Variants in LOC128092253 observed in about 807,000 individuals in gnomAD.
the LOC128092253 span, among the ~76,000 whole-genome samples, chr6:133,977,157 C>T: frequency 4.6e-5 from 7 of 151,912 alleles, no homozygotes; most frequent in Non-Finnish European, 1.0e-4. Context: ...TTTCATGCTT[C>T]GAAAAATGTG....
chr6:133,975,408 A>G, the LOC128092253 span, among the ~76,000 whole-genome samples: 5 of 152,208 alleles, frequency 3.3e-5, no homozygotes, highest in East Asian at 3.8e-4. Context: ...AAAAGTTTAA[A>G]TTCAATCTAA....
the LOC128092253 span, among the ~76,000 whole-genome samples, chr6:133,956,826 A>C: frequency 2.0e-5 from 3 of 152,226 alleles, no homozygotes; most frequent in Non-Finnish European, 1.5e-5. Context: ...GACTGCCTTC[A>C]CTTGAGTAGA....
the LOC128092253 span, among the ~76,000 whole-genome samples, chr6:133,963,015 G>A: frequency 6.6e-6 from 1 of 152,196 alleles, no homozygotes; most frequent in African/African-American, 2.4e-5. Context: ...AGTGCTTTAT[G>A]CTCTAGAGTA....
the LOC128092253 span, among the ~76,000 whole-genome samples, chr6:133,957,687 G>C: frequency 6.6e-6 from 1 of 152,178 alleles, no homozygotes; most frequent in Non-Finnish European, 1.5e-5. Context: ...CAGCATCATG[G>C]CTGTGCTTTT....
chr6:133,954,897 A>G, the LOC128092253 span, among the ~76,000 whole-genome samples: 1 of 152,174 alleles, frequency 6.6e-6, no homozygotes, highest in African/African-American at 2.4e-5. Flanking sequence ...TAGCCAGAAT[A>G]TAGCTTCAAC....
the LOC128092253 span, among the ~76,000 whole-genome samples, chr6:133,963,282 C>T: frequency 6.6e-6 from 1 of 152,090 alleles, no homozygotes; most frequent in Non-Finnish European, 1.5e-5. Context: ...GGTGTTTCAA[C>T]CCAGTCGTTC....
the LOC128092253 span, among the ~76,000 whole-genome samples, chr6:133,972,525 G>A: frequency 6.6e-6 from 1 of 152,164 alleles, no homozygotes; most frequent in South Asian, 2.1e-4. Flanking sequence ...TAGGCTTGTG[G>A]TTCATTTGGT....
chr6:133,970,027 C>T, the LOC128092253 span, among the ~76,000 whole-genome samples: 3 of 152,182 alleles, frequency 2.0e-5, no homozygotes, highest in African/African-American at 7.2e-5. Flanking sequence ...TTGTGCCACT[C>T]CTAACTGTTG....
At chr6:133,977,489 G>A in the LOC128092253 span, among the ~76,000 whole-genome samples, 1 of 152,072 alleles carries the variant, frequency 6.6e-6, no homozygotes, top group Admixed American at 6.5e-5. Flanking sequence ...AGAACTCAAA[G>A]TAGTAAATTC....
At chr6:133,963,409 C>T in the LOC128092253 span, among the ~76,000 whole-genome samples, 1 of 152,006 alleles carries the variant, frequency 6.6e-6, no homozygotes, top group East Asian at 1.9e-4. Flanking sequence ...TATCTTGTTT[C>T]TGTTGTTTTG....
chr6:133,962,177 T>G, the LOC128092253 span, among the ~76,000 whole-genome samples: 1 of 152,088 alleles, frequency 6.6e-6, no homozygotes, highest in Non-Finnish European at 1.5e-5. Context: ...ATAAGGAAGA[T>G]CGGGGGTGGG....
the LOC128092253 span, among the ~76,000 whole-genome samples, chr6:133,966,795 T>A: frequency 7.2e-6 from 1 of 138,752 alleles, no homozygotes; most frequent in Non-Finnish European, 1.6e-5. Context: ...GCCTGTCTTG[T>A]GTCTACTACT....
At chr6:133,959,529 T>C in the LOC128092253 span, among the ~76,000 whole-genome samples, 1 of 152,196 alleles carries the variant, frequency 6.6e-6, no homozygotes, top group Non-Finnish European at 1.5e-5. Context: ...TCGCCCAGGC[T>C]GGAGTGCAGT....
At chr6:133,958,761 A>C in the LOC128092253 span, among the ~76,000 whole-genome samples, 1 of 152,064 alleles carries the variant, frequency 6.6e-6, no homozygotes, top group African/African-American at 2.4e-5. Context: ...AATATATACT[A>C]TAGAGGTTTA....
At chr6:133,967,547 C>A in the LOC128092253 span, among the ~76,000 whole-genome samples, 1 of 152,008 alleles carries the variant, frequency 6.6e-6, no homozygotes, top group Admixed American at 6.6e-5. Context: ...TTATATAAAC[C>A]CAGACGGTAG....
At chr6:133,969,771 C>G in the LOC128092253 span, among the ~76,000 whole-genome samples, 9 of 152,202 alleles carry the variant, frequency 5.9e-5, no homozygotes, top group Admixed American at 5.9e-4. Context: ...ATCTAACTCT[C>G]TCCCATTACT....
the LOC128092253 span, among the ~76,000 whole-genome samples, chr6:133,977,373 A>G: frequency 2.9e-4 from 44 of 152,252 alleles, no homozygotes; most frequent in African/African-American, 9.9e-4. Context: ...AAAATCACCA[A>G]TTTTGAATTT....
the LOC128092253 span, among the ~76,000 whole-genome samples, chr6:133,976,643 T>C: frequency 6.6e-6 from 1 of 152,190 alleles, no homozygotes; most frequent in Non-Finnish European, 1.5e-5. Flanking sequence ...ATTATGTCAC[T>C]ACACTTAAAA....
At chr6:133,956,053 A>C in the LOC128092253 span, among the ~76,000 whole-genome samples, 2 of 152,218 alleles carry the variant, frequency 1.3e-5, no homozygotes, top group African/African-American at 4.8e-5. Context: ...AATACTGTAT[A>C]ATCTAGTTGA....
Sources: gnomAD v4.1 joint callset for allele counts (sites outside exome capture counted in the v4.1 genomes callset) on GRCh38, gnomAD v4.1.1 for gene constraint, MANE v1.5 for transcripts.